Variants in COL21A1 observed in about 807,000 individuals in gnomAD.
The protein encoded by COL21A1 is collagen type XXI alpha 1 chain, also known as collagen alpha-1(XXI) chain.
In COL21A1, 149 loss-of-function variants were observed where a neutral mutation model predicts 137.9. The ratio of observed to expected loss-of-function variants is 1.08; its 90% CI spans 0.95 to 1.24. The LOEUF is 1.24. COL21A1 is among the 50% of genes most tolerant of loss of function. The pLI, the probability that COL21A1 is intolerant of heterozygous loss-of-function variation, is 0.00. For missense variants in COL21A1, 1,167 were observed against 1,158.4 expected, an observed-to-expected ratio of 1.01 and a Z score of -0.11; for synonymous variants, 456 against 391.5, an observed-to-expected ratio of 1.16 and a Z score of -1.95.
chr6:56,064,483 C>T, intron 24 of COL21A1, 95 bp downstream of exon 24: 1 of 820,374 alleles, frequency 1.2e-6, no homozygotes, highest in Non-Finnish European at 2.0e-6. Flanking sequence ...TGTCCTTCTC[C>T]CCACCCATTT....
intron 7 of COL21A1, 160 bp downstream of exon 7, chr6:56,166,746 T>G (rs1488401353): frequency 5.7e-6 from 4 of 706,130 alleles, no homozygotes; most frequent in Non-Finnish European, 1.0e-5. Context: ...AATTATAACC[T>G]CAAAATATGT....
chr6:56,352,304 G>A (rs9986501), intron 1 of COL21A1, among the ~76,000 whole-genome samples: 24,969 of 151,982 alleles, frequency 0.16, 2,190 homozygotes, highest in Non-Finnish European at 0.18. Flanking sequence ...CCATGGTGTA[G>A]TCCACATAGT....
At chr6:56,249,723 A>T (rs1378747415), upstream of COL21A1, among the ~76,000 whole-genome samples, 2 of 152,226 alleles carry the variant, frequency 1.3e-5, no homozygotes. Flanking sequence ...GTGCTGGTAG[A>T]AGGAAGAAAT....
intron 1 of COL21A1, among the ~76,000 whole-genome samples, chr6:56,307,499 C>T (rs9370517): frequency 0.84 from 128,385 of 152,188 alleles, 56,139 homozygotes; most frequent in South Asian, 0.97. Flanking sequence ...AGCAAGGCTC[C>T]GTGGGCGTAG....
chr6:56,058,377 T>C (rs929672660), intron 29 of COL21A1, among the ~76,000 whole-genome samples: 1 of 152,172 alleles, frequency 6.6e-6, no homozygotes, highest in African/African-American at 2.4e-5. Context: ...TTGTCAAACA[T>C]AGCCTGATTA....
chr6:56,226,409 C>T (rs1781198727), intron 1 of COL21A1, among the ~76,000 whole-genome samples: 1 of 151,978 alleles, frequency 6.6e-6, no homozygotes. Flanking sequence ...GTCCCTCTTC[C>T]TCATAATCCC....
At chr6:56,203,442 A>G (rs987686201) in intron 1 of COL21A1, among the ~76,000 whole-genome samples, 1 of 152,222 alleles carries the variant, frequency 6.6e-6, no homozygotes, top group Non-Finnish European at 1.5e-5. Context: ...AAGTAACTCT[A>G]GCACCTCAAT....
intron 2 of COL21A1, among the ~76,000 whole-genome samples, chr6:56,180,378 A>G (rs899308568): frequency 2.6e-5 from 4 of 152,210 alleles, no homozygotes; most frequent in East Asian, 1.9e-4. Context: ...TTCATCTTTG[A>G]TATATTAATA....
chr6:56,174,772 T>C (rs560849438), intron 3 of COL21A1, among the ~76,000 whole-genome samples: 45 of 152,138 alleles, frequency 3.0e-4, no homozygotes, highest in African/African-American at 1.0e-3. Context: ...TTTCAAAAAA[T>C]TGAAGAGGAG....
chr6:56,078,252 T>C, intron 17 of COL21A1: 1 of 455,292 alleles, frequency 2.2e-6, no homozygotes, highest in South Asian at 1.6e-5. Context: ...TTTAGCACAT[T>C]TATTGCTTGC....
At chr6:56,343,558 T>C (rs188351443) in intron 1 of COL21A1, among the ~76,000 whole-genome samples, 13 of 152,366 alleles carry the variant, frequency 8.5e-5, no homozygotes, top group Admixed American at 7.8e-4. Context: ...TGTGGCTCTT[T>C]ACTCATTTGC....
intron 17 of COL21A1, among the ~76,000 whole-genome samples, chr6:56,092,993 AT>A (rs1318463327): frequency 6.6e-6 from 1 of 152,036 alleles, no homozygotes; most frequent in Non-Finnish European, 1.5e-5. Context: ...CTTAGCCACC[AT>A]GGTCTCATTA....
intron 10 of COL21A1, 43 bp downstream of exon 10, chr6:56,156,844 T>C: frequency 6.0e-6 from 9 of 1,511,364 alleles, no homozygotes; most frequent in Non-Finnish European, 8.2e-6. Flanking sequence ...TTTGACACTG[T>C]AATCCCAGAT....
At chr6:56,196,260 C>G (rs1366986953) in intron 1 of COL21A1, among the ~76,000 whole-genome samples, 1 of 152,078 alleles carries the variant, frequency 6.6e-6, no homozygotes, top group Admixed American at 6.6e-5. Context: ...CCACAGCTAA[C>G]ATTATACTAA....
At chr6:56,186,028 A>G (rs1277076256) in intron 1 of COL21A1, among the ~76,000 whole-genome samples, 2 of 152,180 alleles carry the variant, frequency 1.3e-5, no homozygotes, top group Non-Finnish European at 2.9e-5. Context: ...ATTACAAAGT[A>G]AGAAAATTAC....
intron 1 of COL21A1, among the ~76,000 whole-genome samples, chr6:56,337,675 G>A (rs966867779): frequency 6.6e-6 from 1 of 152,290 alleles, no homozygotes; most frequent in Middle Eastern, 3.4e-3. Flanking sequence ...ATGGGATAAT[G>A]CATGTGTAAC....
chr6:56,269,393 C>T (rs963753175), intron 1 of COL21A1, among the ~76,000 whole-genome samples: 7 of 152,028 alleles, frequency 4.6e-5, no homozygotes, highest in African/African-American at 9.7e-5. Context: ...CGGTGGCTCA[C>T]GCCTGTAATC....
chr6:56,057,666 T>A lies in COL21A1; in HGVS notation c.2865A>T (p.Pro955=). ...IARRDPFRKG[P]NY ...AATGAGGCATCAGACACTAATAGTTTGGTCCTTTTCTGAACGGATCTCTTC... is the reference window on the plus strand; with the variant it reads ...AATGAGGCATCAGACACTAATAGTTAGGTCCTTTTCTGAACGGATCTCTTC... The change falls in exon 30 of 30, where the codon CCA becomes CCT. Residue 955 remains proline (P), a synonymous_variant. Coordinates refer to ENST00000244728, the MANE Select transcript of COL21A1 (RefSeq NM_030820.4). 6.2e-7 allele frequency: 1 copy of A among 1,613,016 alleles called. No individual in the cohort carries two copies. The highest frequency in any genetic ancestry group is 8.5e-7 in the Non-Finnish European group (1 of 1,179,548).
intron 1 of COL21A1, among the ~76,000 whole-genome samples, chr6:56,295,948 T>A (rs1764155697): frequency 6.6e-6 from 1 of 151,948 alleles, no homozygotes; most frequent in Admixed American, 6.6e-5. Flanking sequence ...TTTTACATTA[T>A]CTAGGACTTA....
Sources: allele counts gnomAD v4.1 joint callset (sites outside exome capture counted in the v4.1 genomes callset), GRCh38; gene constraint gnomAD v4.1.1; transcripts MANE v1.5; gene names NCBI Gene and HGNC (gene_info 2026-07-23, HGNC 2026-07-21).